Variants in CNTNAP5 observed in about 807,000 individuals in gnomAD.
The protein encoded by CNTNAP5 is contactin-associated protein-like 5.
CNTNAP5 carries 72 observed loss-of-function variants against 150.2 expected under a neutral mutation model. The observed-to-expected ratio is 0.48, with a 90% confidence interval of 0.40 to 0.58. The LOEUF is 0.58. Ranked by LOEUF, CNTNAP5 falls within the 20% of genes least tolerant of loss-of-function variation. CNTNAP5 has a pLI of 0.00. For synonymous variants in CNTNAP5, 672 were observed against 619.8 expected (o/e 1.08, Z -1.25); for missense variants, 1,636 against 1,626.2 (o/e 1.01, Z -0.10).
At chr2:124,448,241 C>T (rs1305701939) in intron 6 of CNTNAP5, among the ~76,000 whole-genome samples, 1 of 149,526 alleles carries the variant, frequency 6.7e-6, no homozygotes, top group Admixed American at 6.7e-5. Flanking sequence ...GCACTCCAGC[C>T]CGGGAGACAG....
chr2:124,679,841 A>C lies in CNTNAP5; in HGVS notation c.2077+31883A>C, dbSNP rs1361137887. 7.9e-5 allele frequency among the ~76,000 whole-genome samples: 12 copies of C among 151,886 alleles called. 1 individual carries two copies. Among genetic ancestry groups the C allele is most frequent in the Admixed American group, 4.0e-4 (6 of 15,024 alleles). On this transcript the variant is annotated intron_variant, in intron 13 of 23. Coordinates refer to ENST00000682447, the MANE Select transcript of CNTNAP5 (RefSeq NM_001367498.1). ...CGGCCTCCCTAAGTGCTGGGATTAC[A>C]GGCATGAGCCACCTCATTGGCCTCA...
At chr2:124,805,254 T>C (rs1042864271) in intron 19 of CNTNAP5, among the ~76,000 whole-genome samples, 3 of 152,142 alleles carry the variant, frequency 2.0e-5, no homozygotes, top group Non-Finnish European at 4.4e-5. Flanking sequence ...ACTTTCTCAA[T>C]TGCCCCCTGA....
chr2:124,536,384 C>A (rs536633136), intron 10 of CNTNAP5, among the ~76,000 whole-genome samples: 1 of 152,230 alleles, frequency 6.6e-6, no homozygotes, highest in South Asian at 2.1e-4. Context: ...GTTAGAAATG[C>A]AAGTCTCAGA....
chr2:124,385,441 C>T (rs766042831), intron 3 of CNTNAP5, among the ~76,000 whole-genome samples: 7 of 152,122 alleles, frequency 4.6e-5, no homozygotes, highest in Non-Finnish European at 7.4e-5. Context: ...CCTGCTCCTC[C>T]CACTTATCAC....
chr2:124,405,509 A>T lies in CNTNAP5; in HGVS notation c.382-11934A>T, dbSNP rs547435660. ...AAAAGGGTCACTAGACTCTCATCAG[A>T]ATCTCTATAATCTAGTCTCAACTTC... On this transcript the variant is annotated intron_variant, in intron 3 of 23. Coordinates refer to ENST00000682447, the MANE Select transcript of CNTNAP5 (RefSeq NM_001367498.1). Among the ~76,000 whole-genome samples the T allele has an allele frequency of 4.6e-5, 7 of 152,276 alleles. 1 individual carries two copies. The South Asian group carries it at 1.2e-3, about 27-fold the overall frequency.
At chr2:124,264,536 A>G (rs1687554572) in intron 3 of CNTNAP5, among the ~76,000 whole-genome samples, 1 of 152,132 alleles carries the variant, frequency 6.6e-6, no homozygotes, top group Admixed American at 6.6e-5. Flanking sequence ...GAGTCAGTCC[A>G]GTCAAGGTTC....
intron 1 of CNTNAP5, among the ~76,000 whole-genome samples, chr2:124,027,066 A>C (rs1002537664): frequency 5.3e-5 from 8 of 152,232 alleles, no homozygotes; most frequent in Non-Finnish European, 1.2e-4. Context: ...TTCTACAGGA[A>C]GGCTAAAGGG....
intron 21 of CNTNAP5, among the ~76,000 whole-genome samples, chr2:124,887,944 C>G (rs986594063): frequency 6.7e-6 from 1 of 149,538 alleles, no homozygotes; most frequent in Non-Finnish European, 1.5e-5. Flanking sequence ...AGATTGGTTT[C>G]TTTTTCTTTT....
At chr2:124,036,704 C>T (rs542105763) in intron 1 of CNTNAP5, among the ~76,000 whole-genome samples, 1 of 152,222 alleles carries the variant, frequency 6.6e-6, no homozygotes, top group South Asian at 2.1e-4. Flanking sequence ...TTCAAACCTA[C>T]ACTCTGTGCC....
rs186108812 is a variant in CNTNAP5 at position 124,101,224 on chromosome 2, A to G, written c.82+75492A>G. Among the ~76,000 whole-genome samples the G allele has an allele frequency of 2.7e-3, 405 of 152,330 alleles. 2 individuals are homozygous for G. The highest frequency in any genetic ancestry group is 3.8e-4 in the Non-Finnish European group (26 of 68,030). The stretch of plus-strand genomic sequence containing the variant: ...TGTAGATGGCTTTATGTGATTTACT[A>G]TATAATATATTCCTTATAACAAAAT... On this transcript the variant is annotated intron_variant, in intron 1 of 23. Transcript: ENST00000682447.
chr2:124,592,878 A>G (rs1217926842), intron 11 of CNTNAP5, among the ~76,000 whole-genome samples: 1 of 151,554 alleles, frequency 6.6e-6, no homozygotes, highest in African/African-American at 2.4e-5. Context: ...GCAAATTGTA[A>G]TTTTTCCCAG....
chr2:124,755,711 G>A (rs1197094027), intron 14 of CNTNAP5, among the ~76,000 whole-genome samples: 1 of 152,134 alleles, frequency 6.6e-6, no homozygotes, highest in African/African-American at 2.4e-5. Context: ...GTAGCAGAAG[G>A]AGAAATAATT....
At chr2:124,680,717 A>G (rs770538382) in intron 13 of CNTNAP5, 1 of 151,830 alleles carries the variant, frequency 6.6e-6, no homozygotes, top group African/African-American at 2.4e-5. Context: ...TATTATTGTC[A>G]TTCAATGTCA....
intron 19 of CNTNAP5, among the ~76,000 whole-genome samples, chr2:124,856,100 G>GTA (rs1028594536): frequency 9.2e-5 from 14 of 151,770 alleles, no homozygotes; most frequent in Non-Finnish European, 1.3e-4. Flanking sequence ...GTGTGTGTGT[G>GTA]TGTGTGTGTG....
Position 124,264,426 on chromosome 2 carries a change from ACACAC to A in CNTNAP5, c.381+22034_381+22038del, listed in dbSNP as rs1424665678. Among the ~76,000 whole-genome samples, 878 of 137,436 alleles carry A rather than the reference ACACAC, an allele frequency of 6.4e-3. 9 individuals are homozygous for A. The highest frequency in any genetic ancestry group is 0.011 in the Non-Finnish European group (643 of 60,612). 90.2% of individuals were successfully genotyped at this position (137,436 alleles called of 152,430 possible). The stretch of plus-strand genomic sequence containing the variant: ...CACACACACACACACACACACACAC[ACACAC>A]ACCAATCGCCATGGCTAATATCAAG... On this transcript the variant is annotated intron_variant, in intron 3 of 23. Transcript: ENST00000682447.
At chr2:124,898,694 T>C (rs547210666) in intron 21 of CNTNAP5, among the ~76,000 whole-genome samples, 2 of 151,718 alleles carry the variant, frequency 1.3e-5, no homozygotes, top group South Asian at 2.1e-4. Context: ...AATGGAAATG[T>C]AGTAGAGTTC....
chr2:124,532,821 C>G (rs1406731462), intron 10 of CNTNAP5, among the ~76,000 whole-genome samples: 1 of 152,080 alleles, frequency 6.6e-6, no homozygotes, highest in Non-Finnish European at 1.5e-5. Flanking sequence ...TGAGAGTGTG[C>G]GAGAAGTCAG....
At chr2:124,780,006 T>C (rs935509883) in intron 17 of CNTNAP5, among the ~76,000 whole-genome samples, 1 of 152,178 alleles carries the variant, frequency 6.6e-6, no homozygotes. Context: ...TAGTGTTCAA[T>C]AAAAATCTAA....
At chr2:124,816,829 A>T (rs749812477) in intron 19 of CNTNAP5, among the ~76,000 whole-genome samples, 21 of 152,134 alleles carry the variant, frequency 1.4e-4, no homozygotes, top group Non-Finnish European at 2.4e-4. Flanking sequence ...GTATGTATGG[A>T]TGAGTCTTTT....
Sources: gnomAD v4.1 joint callset for allele counts (sites outside exome capture counted in the v4.1 genomes callset) on GRCh38, gnomAD v4.1.1 for gene constraint, MANE v1.5 for transcripts, NCBI Gene and HGNC (gene_info 2026-07-23, HGNC 2026-07-21) for gene names.